HDGFL3: variants seen among roughly 807,000 people sequenced by gnomAD.
The protein encoded by HDGFL3 is hepatoma-derived growth factor-related protein 3.
A neutral mutation model predicts 27.6 loss-of-function variants in HDGFL3; 6 were observed. The observed-to-expected ratio is 0.22, with a 90% CI of 0.12 to 0.43. HDGFL3 has a LOEUF of 0.43. HDGFL3 is among the 20% of genes least tolerant of loss of function. HDGFL3 has a pLI of 1.00. For missense variants in HDGFL3, 207 were observed against 250.1 expected (o/e 0.83, Z 1.16); for synonymous variants, 88 against 88.9 (o/e 0.99, Z 0.05).
At chr15:83,200,942 A>C (rs2037637933) in intron 1 of HDGFL3, among the ~76,000 whole-genome samples, 1 of 140,254 alleles carries the variant, frequency 7.1e-6, no homozygotes, top group Non-Finnish European at 1.5e-5. Flanking sequence ...GTAAATTCTT[A>C]TCTAGGTAAA....
intron 1 of HDGFL3, among the ~76,000 whole-genome samples, chr15:83,186,771 T>C (rs900928131): frequency 1.3e-5 from 2 of 152,164 alleles, no homozygotes; most frequent in Non-Finnish European, 2.9e-5. Context: ...AAAAACTACC[T>C]GCTGGGTACA....
At chr15:83,144,818 C>T (rs2036857679) in intron 5 of HDGFL3, 1 of 315,228 alleles carries the variant, frequency 3.2e-6, no homozygotes, top group Admixed American at 4.4e-5. Context: ...GTTGATGAGT[C>T]TTGAAAAGAT....
intron 1 of HDGFL3, among the ~76,000 whole-genome samples, chr15:83,201,087 A>G (rs2037639705): frequency 6.6e-6 from 1 of 152,126 alleles, no homozygotes; most frequent in Admixed American, 6.5e-5. Flanking sequence ...TAGTTTAAAT[A>G]CACCATATGA....
Position 83,207,187 on chromosome 15 carries a change from T to G in HDGFL3, c.84+144A>C. The G allele has an allele frequency of 2.1e-6, 1 of 476,764 alleles. No individual in the cohort carries two copies. The highest frequency in any genetic ancestry group is 3.3e-6 in the Non-Finnish European group (1 of 299,254). The allele number at this position is 476,764 out of a possible 1,614,324, so 29.5% of individuals were successfully genotyped here. ...TGCCTCAGCCCCGGCCCGGTCTTCT[T>G]CGTGCCGCGCCGCCCTCAGCCCTCA... On this transcript the variant is annotated intron_variant, in intron 1 of 5. Coordinates refer to ENST00000299633, the MANE Select transcript of HDGFL3 (RefSeq NM_016073.4). The surrounding 1 kb of genome is among the most constrained non-coding windows in gnomAD (Gnocchi z 4.8).
chr15:83,187,791 G>C (rs1333990240), intron 1 of HDGFL3, among the ~76,000 whole-genome samples: 1 of 151,934 alleles, frequency 6.6e-6, no homozygotes, highest in Non-Finnish European at 1.5e-5. Context: ...GGGAGGCTGA[G>C]GCAGGAGAAC....
chr15:83,189,326 A>G (rs1302519481), intron 1 of HDGFL3: 1 of 152,226 alleles, frequency 6.6e-6, no homozygotes, highest in East Asian at 1.9e-4. Context: ...TTACTAAACT[A>G]TAAGGCCTTA....
intron 1 of HDGFL3, among the ~76,000 whole-genome samples, chr15:83,195,205 T>C (rs1026558086): frequency 4.6e-5 from 7 of 152,198 alleles, no homozygotes; most frequent in Non-Finnish European, 8.8e-5. Flanking sequence ...ATTGCAAAGA[T>C]AGAAAAATCC....
chr15:83,117,351 G>A (rs1416690360), intron 3 of HDGFL3, among the ~76,000 whole-genome samples: 2 of 152,146 alleles, frequency 1.3e-5, no homozygotes, highest in African/African-American at 4.8e-5. Flanking sequence ...GAGCAGTCCT[G>A]GAAGAGAGAG....
chr15:83,127,315 A>G (rs751632753), downstream of HDGFL3: 12 of 1,532,238 alleles, frequency 7.8e-6, no homozygotes, highest in Non-Finnish European at 9.6e-6. Flanking sequence ...AGGCCAAGTT[A>G]ACTGCCAATT....
chr15:83,167,514 C>T (rs531022859), intron 1 of HDGFL3, among the ~76,000 whole-genome samples: 1 of 150,698 alleles, frequency 6.6e-6, no homozygotes, highest in Non-Finnish European at 1.5e-5. Context: ...GCCAAGACTG[C>T]ACCACTGCAC....
At chr15:83,204,008 A>T (rs1367717370) in intron 1 of HDGFL3, among the ~76,000 whole-genome samples, 1 of 141,490 alleles carries the variant, frequency 7.1e-6, no homozygotes, top group African/African-American at 2.7e-5. Flanking sequence ...AAGCCACACA[A>T]AATTAGGCAT....
At chr15:83,196,347 A>C (rs922201579) in intron 1 of HDGFL3, among the ~76,000 whole-genome samples, 5 of 151,992 alleles carry the variant, frequency 3.3e-5, no homozygotes. Flanking sequence ...TGAAAAGAAC[A>C]CTAAATGAAT....
downstream of HDGFL3, chr15:83,126,930 C>G (rs543448055): frequency 4.7e-6 from 5 of 1,068,246 alleles, no homozygotes; most frequent in South Asian, 7.0e-5. Flanking sequence ...CGGTGGCTCA[C>G]GCCTGTAATC....
intron 1 of HDGFL3, among the ~76,000 whole-genome samples, chr15:83,197,398 TA>T (rs1174515403): frequency 6.6e-6 from 1 of 152,206 alleles, no homozygotes; most frequent in East Asian, 1.9e-4. Flanking sequence ...ATGTTTCTTT[TA>T]AAAAATTGAA....
intron 2 of HDGFL3, among the ~76,000 whole-genome samples, chr15:83,162,044 T>C (rs540713464): frequency 2.8e-4 from 43 of 152,314 alleles, no homozygotes; most frequent in African/African-American, 1.0e-3. Flanking sequence ...GGTACTCCTT[T>C]AGCTGAACCA....
At chr15:83,177,205 C>T (rs2151413751) in intron 1 of HDGFL3, among the ~76,000 whole-genome samples, 1 of 152,336 alleles carries the variant, frequency 6.6e-6, no homozygotes, top group South Asian at 2.1e-4. Context: ...AGGCGTGAGC[C>T]ATTTTGCATT....
chr15:83,195,020 A>AT (rs2037553260), intron 1 of HDGFL3, among the ~76,000 whole-genome samples: 1 of 152,196 alleles, frequency 6.6e-6, no homozygotes, highest in South Asian at 2.1e-4. Flanking sequence ...AAGACTATAT[A>AT]GTTGTATTAC....
At chr15:83,197,289 A>G (rs1252488676) in intron 1 of HDGFL3, among the ~76,000 whole-genome samples, 4 of 152,222 alleles carry the variant, frequency 2.6e-5, no homozygotes, top group Non-Finnish European at 5.9e-5. Flanking sequence ...CATTTATAAT[A>G]GTATAGTGGG....
At chr15:83,173,663 A>G (rs2037273542) in intron 1 of HDGFL3, among the ~76,000 whole-genome samples, 1 of 152,056 alleles carries the variant, frequency 6.6e-6, no homozygotes, top group South Asian at 2.1e-4. Flanking sequence ...AACCCCATTC[A>G]CTTAGATGAT....
Sources: allele counts gnomAD v4.1 joint callset (sites outside exome capture counted in the v4.1 genomes callset), GRCh38; gene constraint gnomAD v4.1.1; non-coding constraint Gnocchi (gnomAD v3.1); transcripts MANE v1.5; gene names NCBI Gene and HGNC (gene_info 2026-07-23, HGNC 2026-07-21).